Variants in PCDHA2 observed in about 807,000 individuals in gnomAD.
The protein encoded by PCDHA2 is protocadherin alpha 2, also known as protocadherin alpha-2.
Under a neutral mutation model 66.0 loss-of-function variants are expected in PCDHA2, and 58 were observed. The observed-to-expected ratio is 0.88, with a 90% CI of 0.71 to 1.09. The LOEUF (loss-of-function observed/expected upper bound fraction) is 1.09, where lower values mean the gene tolerates loss of function less well. PCDHA2 is among the 50% of genes least tolerant of loss of function. The pLI is 0.00. For synonymous variants in PCDHA2, 634 were observed against 554.0 expected, an observed-to-expected ratio of 1.14 and a Z score of -2.03; for missense variants, 1,267 against 1,242.3, an observed-to-expected ratio of 1.02 and a Z score of -0.30.
At chr5:140,872,497 C>T (rs1554166232) in intron 1 of PCDHA2, among the ~76,000 whole-genome samples, 1 of 152,150 alleles carries the variant, frequency 6.6e-6, no homozygotes, top group Non-Finnish European at 1.5e-5. Flanking sequence ...CCTAGTGGTG[C>T]ATGCCTGTAG....
At chr5:140,970,366 A>G (rs1438755786) in intron 1 of PCDHA2, among the ~76,000 whole-genome samples, 2 of 152,196 alleles carry the variant, frequency 1.3e-5, no homozygotes, top group Admixed American at 1.3e-4. Context: ...TTGATTTGCT[A>G]TAGCTTCAAA....
At chr5:140,830,450 G>C (rs2150186754) in intron 1 of PCDHA2, 3 of 1,598,530 alleles carry the variant, frequency 1.9e-6, no homozygotes, top group East Asian at 4.5e-5. Flanking sequence ...GGGTAAGGCG[G>C]AGAATCAGGA....
chr5:140,853,351 C>T, intron 1 of PCDHA2: 1 of 982,872 alleles, frequency 1.0e-6, no homozygotes, highest in Non-Finnish European at 1.2e-6. Context: ...CAAACATGAA[C>T]TCACAGGGAT....
intron 1 of PCDHA2, among the ~76,000 whole-genome samples, chr5:140,906,751 G>C (rs782384757): frequency 1.3e-5 from 2 of 152,166 alleles, no homozygotes; most frequent in African/African-American, 2.4e-5. Context: ...CACAGGGCAT[G>C]GTAATACTAA....
intron 3 of PCDHA2, among the ~76,000 whole-genome samples, chr5:141,006,017 G>A (rs139294218): frequency 1.3e-5 from 2 of 151,190 alleles, no homozygotes; most frequent in African/African-American, 4.8e-5. Context: ...TATGGTTGGA[G>A]TATAATAGTA....
chr5:140,854,841 T>C (rs2043239245), intron 1 of PCDHA2, among the ~76,000 whole-genome samples: 1 of 149,832 alleles, frequency 6.7e-6, no homozygotes, highest in South Asian at 2.1e-4. Context: ...TTCACTGACA[T>C]TGATAAAATT....
At chr5:140,982,237 G>T (rs2096973071) in intron 2 of PCDHA2, 1 of 665,404 alleles carries the variant, frequency 1.5e-6, no homozygotes, top group East Asian at 3.5e-5. Context: ...AAACAGAATT[G>T]CCATAAAGAT....
intron 1 of PCDHA2, among the ~76,000 whole-genome samples, chr5:140,819,252 T>C (rs1474909117): frequency 2.0e-5 from 3 of 152,210 alleles, no homozygotes; most frequent in African/African-American, 7.2e-5. Context: ...CAATCTGGTA[T>C]ATCTATATAA....
chr5:141,005,714 A>AAG (rs2098233543), intron 3 of PCDHA2, among the ~76,000 whole-genome samples: 1 of 148,328 alleles, frequency 6.7e-6, no homozygotes, highest in Non-Finnish European at 1.5e-5. Flanking sequence ...AAAAAAAAAA[A>AAG]AAAAAAAAAA....
intron 1 of PCDHA2, chr5:140,926,643 G>A (rs1292255848): frequency 4.9e-5 from 22 of 452,632 alleles, no homozygotes; most frequent in African/African-American, 3.9e-4. Flanking sequence ...CTCAACACCC[G>A]GCCGGCTCCG....
chr5:140,828,382 G>A (rs1769726529), intron 1 of PCDHA2: 1 of 1,614,172 alleles, frequency 6.2e-7, no homozygotes, highest in African/African-American at 1.3e-5. Flanking sequence ...AGCTGTGCGG[G>A]CGGAGCGCGG....
At position 140,899,912 on chromosome 5, in the gene PCDHA2, A is replaced by G. The variant is rs574794282; in HGVS notation, c.2389-79037A>G. The stretch of plus-strand genomic sequence containing the variant: ...AGCCTTGACATCCTGGGCTCAAGCA[A>G]TCCTCCTGCCTCAGCCTCCTGAATA... On this transcript the variant is annotated intron_variant, in intron 1 of 3. Transcript: ENST00000526136. Among the ~76,000 whole-genome samples the G allele has an allele frequency of 2.0e-5, 3 of 152,154 alleles. No homozygotes were observed. In the East Asian group the frequency reaches 5.8e-4, roughly 29 times the overall value.
At chr5:140,927,592 G>A in intron 1 of PCDHA2, 5 of 1,614,170 alleles carry the variant, frequency 3.1e-6, no homozygotes, top group Non-Finnish European at 4.2e-6. Context: ...GCCTGTATTT[G>A]AGCGCTCCGT....
chr5:140,797,447 T>C lies in PCDHA2; in HGVS notation c.2388+95T>C, dbSNP rs371508747. On this transcript the variant is annotated intron_variant, in intron 1 of 3. Coordinates refer to ENST00000526136, the MANE Select transcript of PCDHA2 (RefSeq NM_018905.3). ...AGTTATTTAGATTCATAGTTCTTCA[T>C]TTATTTTATATCATCCTACCGTGCG... The C allele has an allele frequency of 1.1e-4, 142 of 1,338,084 alleles. No homozygotes were observed. The African/African-American group carries it at 1.8e-3, about 17-fold the overall frequency. The allele number at this position is 1,338,084 out of a possible 1,614,324, so 82.9% of individuals were successfully genotyped here. A position where few individuals can be genotyped will look rare whatever the true frequency, so the allele number is the denominator to read the frequency against.
rs1554119635 is a variant in PCDHA2 at position 140,795,985 on chromosome 5, G to A, written c.1021G>A (p.Val341Met). 2.5e-6 allele frequency: 4 copies of A among 1,614,088 alleles called. No homozygotes were observed. In the South Asian group the frequency reaches 3.3e-5, roughly 13 times the overall value. ...ACATTGTAAAATTTCATTAAAACTTGTGGACATCAATGATAACACACCAGA... is the reference window on the plus strand; with the variant it reads ...ACATTGTAAAATTTCATTAAAACTTATGGACATCAATGATAACACACCAGA... ...SGHCKISLKLVDINDNTPEVS... is the reference protein window; with the variant it reads ...SGHCKISLKLMDINDNTPEVS... Residue 341 changes from valine to methionine, a missense_variant, in exon 1 of 4, where the codon GTG (valine) becomes ATG (methionine). Val to Met is a conservative substitution (Grantham distance 21). Transcript: ENST00000526136.
chr5:140,808,191 G>A lies in PCDHA2; in HGVS notation c.2388+10839G>A, dbSNP rs782610577. ...CAGCTCCCACTTTCTGGCCATTGTAGAGTTATTGTGGAAGTAGAAGACAAC... is the reference window on the plus strand; with the variant it reads ...CAGCTCCCACTTTCTGGCCATTGTAAAGTTATTGTGGAAGTAGAAGACAAC... On this transcript the variant is annotated intron_variant, in intron 1 of 3. Coordinates refer to ENST00000526136, the MANE Select transcript of PCDHA2 (RefSeq NM_018905.3). 6.2e-6 allele frequency: 10 copies of A among 1,614,230 alleles called. No homozygotes were observed. In the South Asian group the frequency reaches 8.8e-5, roughly 14 times the overall value.
chr5:140,802,440 C>G lies in PCDHA2; in HGVS notation c.2388+5088C>G, dbSNP rs782205225. On this transcript the variant is annotated intron_variant, in intron 1 of 3. Coordinates refer to ENST00000526136, the MANE Select transcript of PCDHA2 (RefSeq NM_018905.3). The stretch of plus-strand genomic sequence containing the variant: ...ATTGGTGCTGGACAGCCCTCTGGAC[C>G]GCGAGAGCGTGTCGGCCTATGAGCT... 5.6e-6 allele frequency: 9 copies of G among 1,614,204 alleles called. No individual in the cohort carries two copies. The South Asian group carries it at 7.7e-5, about 14-fold the overall frequency.
intron 1 of PCDHA2, chr5:140,927,716 G>A (rs782756674): frequency 2.5e-6 from 4 of 1,614,072 alleles, no homozygotes; most frequent in Non-Finnish European, 3.4e-6. Context: ...CTAAGCAACA[G>A]CACGCAAGCA....
chr5:140,831,911 T>C (rs1554133416), intron 1 of PCDHA2, among the ~76,000 whole-genome samples: 1 of 152,164 alleles, frequency 6.6e-6, no homozygotes. Context: ...AGCAAGTGCT[T>C]AAAAAATTTG....
Sources: allele counts gnomAD v4.1 joint callset (sites outside exome capture counted in the v4.1 genomes callset), GRCh38; gene constraint gnomAD v4.1.1; transcripts MANE v1.5; gene names NCBI Gene and HGNC (gene_info 2026-07-23, HGNC 2026-07-21).